The following BCOR variants were observed in gnomAD, a reference collection of about 807,000 sequenced individuals.
The protein encoded by BCOR is BCL6 corepressor, also known as BCL-6 corepressor.
BCOR carries 10 observed loss-of-function variants against 86.7 expected under a neutral mutation model. That is an observed-to-expected ratio of 0.12 (90% confidence interval 0.07 to 0.20). The LOEUF (loss-of-function observed/expected upper bound fraction) is 0.20. Among genes scored for constraint, BCOR ranks in the 10% least tolerant of loss-of-function variants. The probability of loss-of-function intolerance (pLI) is 1.00; values close to 1 mark genes in which losing one functional copy is unlikely to be tolerated. For synonymous variants in BCOR, 611 were observed against 609.0 expected (o/e 1.00, Z -0.05); for missense variants, 1,259 against 1,452.1 (o/e 0.87, Z 2.16).
chrX:40,105,060 C>T (rs1157314415), intron 1 of BCOR, among the ~76,000 whole-genome samples: 3 of 110,270 alleles, frequency 2.7e-5, no homozygotes, highest in African/African-American at 9.8e-5. Context: ...CTGGCTGGCG[C>T]CGGGGCGCCA....
At chrX:40,084,710 CCCA>C (rs896898321) in intron 1 of BCOR, among the ~76,000 whole-genome samples, 5 of 98,800 alleles carry the variant, frequency 5.1e-5, no homozygotes, top group African/African-American at 1.9e-4. Context: ...GCCACCCCCC[CCCA>C]CCACCACCAC....
intron 1 of BCOR, among the ~76,000 whole-genome samples, chrX:40,087,290 A>G (rs1326498297): frequency 1.8e-5 from 2 of 112,946 alleles, no homozygotes; most frequent in African/African-American, 6.4e-5. Context: ...CTCCTTTATG[A>G]TTTTTGGTTA....
intron 1 of BCOR, among the ~76,000 whole-genome samples, chrX:40,115,197 T>G (rs1305934091): frequency 9.0e-6 from 1 of 110,901 alleles, no homozygotes; most frequent in Admixed American, 9.6e-5. Context: ...TCTACCTGAC[T>G]CCAAACCTAG....
rs1937808750 is a variant in BCOR at position 40,139,439 on chromosome X, T to TA, written c.-41+37567dup. 1.1e-4 allele frequency among the ~76,000 whole-genome samples: 2 copies of TA among 18,438 alleles called. 1 individual carries two copies. Among genetic ancestry groups the TA allele is most frequent in the South Asian group, 5.4e-3 (2 of 373 alleles). The allele number at this position is 18,438 out of a possible 115,157, so 16.0% of individuals were successfully genotyped here. On this transcript the variant is annotated intron_variant, in intron 1 of 14. Coordinates refer to the BCOR transcript ENST00000342274. ...TAATATATATACATATATATATATA[T>TA]ATATATAATATATATACATATATAT...
chrX:40,139,415 A>ATATTTTAAGC lies in BCOR; in HGVS notation c.-41+37591_-41+37592insGCTTAAAATA, dbSNP rs1555935902. 3.3e-4 allele frequency among the ~76,000 whole-genome samples: 2 copies of ATATTTTAAGC among 6,096 alleles called. 1 individual carries two copies. The highest frequency in any genetic ancestry group is 2.9e-3 in the African/African-American group (2 of 683). The allele number at this position is 6,096 out of a possible 115,157, so 5.3% of individuals were successfully genotyped here. A position where few individuals can be genotyped will look rare whatever the true frequency, so the allele number is the denominator to read the frequency against. On this transcript the variant is annotated intron_variant, in intron 1 of 14. Coordinates refer to the BCOR transcript ENST00000342274. ...TATACATATATATATATATATATATAATATATATACATATATATATATATA... is the reference window on the plus strand; with the variant it reads ...TATACATATATATATATATATATATATATTTTAAGCATATATATACATATATATATATATA...
At chrX:40,152,741 C>T (rs981672578) in intron 1 of BCOR, among the ~76,000 whole-genome samples, 2 of 112,606 alleles carry the variant, frequency 1.8e-5, no homozygotes, top group African/African-American at 6.4e-5. Flanking sequence ...GGAGTCAGCG[C>T]CTGCCCCCTC....
chrX:40,117,716 TCG>T (rs1937416872), intron 1 of BCOR, among the ~76,000 whole-genome samples: 1 of 110,735 alleles, frequency 9.0e-6, no homozygotes, highest in Non-Finnish European at 1.9e-5. Flanking sequence ...GAGGGGACAC[TCG>T]ATCCCCTTTC....
upstream of BCOR, among the ~76,000 whole-genome samples, chrX:40,102,222 A>G (rs1274954022): frequency 8.9e-6 from 1 of 112,608 alleles, no homozygotes; most frequent in African/African-American, 3.2e-5. Flanking sequence ...GTGTTTGGGG[A>G]AGGAAGGCCC....
intron 11 of BCOR, among the ~76,000 whole-genome samples, chrX:40,056,657 C>T (rs1934613976): frequency 8.9e-6 from 1 of 112,162 alleles, no homozygotes; most frequent in South Asian, 3.7e-4. Context: ...ACTCACACAA[C>T]CAGGAAGATG....
At position 40,053,932 on chromosome X, in the gene BCOR, T is replaced by C. The variant is rs1169882743; in HGVS notation, c.4930A>G (p.Thr1644Ala). 2 of 1,209,389 alleles carry C rather than the reference T, an allele frequency of 1.7e-6. No individual in the cohort carries two copies. The highest frequency in any genetic ancestry group is 2.2e-6 in the Non-Finnish European group (2 of 894,692). The change falls in exon 14 of 15, where the codon ACC (threonine) becomes GCC (alanine). Residue 1644 changes from threonine to alanine, a missense_variant. Transcript: ENST00000378444. ...ATGTTATAACACGGTAAGAGGGGGG[T>C]CTCTGAAAATTCAAATTCAAACACA... ...SDVFEFEFSE[T>A]PLLPCYNIQV...
chrX:40,097,815 T>TCCGCCG lies in BCOR; in HGVS notation c.-647_-642dup, dbSNP rs1436572611. The stretch of plus-strand genomic sequence containing the variant: ...CGCCCGGCGGCTCGCGGGCTCCCCC[T>TCCGCCG]CCGCCGCCGCCGCCCGCCTAGCTCC... On this transcript the variant is annotated 5_prime_UTR_variant, in exon 1 of 15. Transcript: ENST00000378444. Among the ~76,000 whole-genome samples, 28 of 106,069 alleles carry TCCGCCG rather than the reference T, an allele frequency of 2.6e-4. No homozygotes were observed. The highest frequency in any genetic ancestry group is 9.0e-4 in the African/African-American group (26 of 29,001). The allele number at this position is 106,069 out of a possible 115,157, so 92.1% of individuals were successfully genotyped here. A position where few individuals can be genotyped will look rare whatever the true frequency, so the allele number is the denominator to read the frequency against.
At chrX:40,069,955 GT>G (rs1935390822) in intron 6 of BCOR, among the ~76,000 whole-genome samples, 3 of 112,219 alleles carry the variant, frequency 2.7e-5, no homozygotes, top group African/African-American at 9.7e-5. Context: ...ATCCTGGCAG[GT>G]GGCCTTAGTC....
chrX:40,073,557 G>A lies in BCOR; in HGVS notation c.1789C>T (p.His597Tyr), dbSNP rs2147233695. 8.2e-7 allele frequency: 1 copy of A among 1,212,249 alleles called. No individual in the cohort carries two copies. The highest frequency in any genetic ancestry group is 1.1e-6 in the Non-Finnish European group (1 of 895,660). ...GGAGTGGCCGGGGGCTGGCCCACGT[G>A]CTGAATAACGGATGGTGTGGTTTCT... ...SVETTPSVIQ[H>Y]VGQPPATPAK... is the part of the protein sequence containing the mutation. The change falls in exon 4 of 15, where the codon CAC becomes TAC. Residue 597 changes from histidine to tyrosine, a missense_variant. By Grantham distance (83) the His-to-Tyr change is moderately conservative. Coordinates refer to ENST00000378444, the MANE Select transcript of BCOR (RefSeq NM_001123385.2).
At chrX:40,061,864 G>A in intron 10 of BCOR, among the ~76,000 whole-genome samples, 1 of 111,550 alleles carries the variant, frequency 9.0e-6, no homozygotes, top group Non-Finnish European at 1.9e-5. Flanking sequence ...TTATATCAGA[G>A]ATAAGTTAGC....
chrX:40,175,079 C>G (rs1221507186), intron 1 of BCOR, among the ~76,000 whole-genome samples: 1 of 100,597 alleles, frequency 9.9e-6, no homozygotes, highest in Non-Finnish European at 2.0e-5. Flanking sequence ...GCACCAGGAA[C>G]GGAGGCCGTC....
chrX:40,072,543 C>A lies in BCOR; in HGVS notation c.2803G>T (p.Val935Leu). The A allele has an allele frequency of 8.2e-7, 1 of 1,212,138 alleles. No homozygotes were observed. Among genetic ancestry groups the A allele is most frequent in the African/African-American group, 1.7e-5 (1 of 57,918 alleles). The change falls in exon 4 of 15, where the codon GTG (valine) becomes TTG (leucine). Residue 935 changes from valine to leucine, a missense_variant. Val to Leu is a conservative substitution (Grantham distance 32, BLOSUM62 1). Around this residue, in one of 7 missense-constraint regions of BCOR, gnomAD observed 534 missense variants for 594.8 expected, o/e 0.90. Transcript: ENST00000378444. Reference sequence around the variant, plus strand: ...CCATCTTTGGTATAGGTGGGGGTCACATCCACACTTGGTGGGGCACTGCCC... The same window carrying A: ...CCATCTTTGGTATAGGTGGGGGTCAAATCCACACTTGGTGGGGCACTGCCC... ...CVGSAPPSVD[V>L]TPTYTKDGAD... is the part of the protein sequence containing the mutation.
At position 40,054,286 on chromosome X, in the gene BCOR, T is replaced by C. The variant is rs1309422969; in HGVS notation, c.4789A>G (p.Thr1597Ala). The change falls in exon 13 of 15, where the codon ACT (threonine) becomes GCT (alanine). Residue 1597 changes from threonine to alanine, a missense_variant. By Grantham distance (58) the Thr-to-Ala change is moderately conservative. Transcript: ENST00000378444. ...QGRNDDDASG[T>A]WDFYGSSVCE... ...ACAGAGCTGCCATAGAAGTCCCAAG[T>C]GCCACTGGCGTCATCATCATTGCGA... 3 of 1,207,798 alleles carry C rather than the reference T, an allele frequency of 2.5e-6. No homozygotes were observed. Among genetic ancestry groups the C allele is most frequent in the African/African-American group, 3.5e-5 (2 of 57,026 alleles).
chrX:40,051,958 T>TA lies in BCOR; in HGVS notation c.*150dup. On this transcript the variant is annotated 3_prime_UTR_variant, in exon 15 of 15. Coordinates refer to ENST00000378444, the MANE Select transcript of BCOR (RefSeq NM_001123385.2). ...GTTTAAAAGGAAAAAAACATGTTTC[T>TA]AAGTCCTTCTGACTGGAGTAATTTC... 2.1e-6 allele frequency: 1 copy of TA among 476,357 alleles called. No homozygotes were observed. 39.3% of individuals were successfully genotyped at this position (476,357 alleles called of 1,213,427 possible).
chrX:40,123,214 C>T (rs1937510373), intron 1 of BCOR, among the ~76,000 whole-genome samples: 1 of 111,062 alleles, frequency 9.0e-6, no homozygotes, highest in African/African-American at 3.3e-5. Context: ...AAGGAGATAC[C>T]ATATTCGGCT....
Sources: allele counts gnomAD v4.1 joint callset (sites outside exome capture counted in the v4.1 genomes callset), GRCh38; gene constraint gnomAD v4.1.1; regional missense constraint gnomAD v4.1.1; transcripts MANE v1.5; gene names NCBI Gene and HGNC (gene_info 2026-07-23, HGNC 2026-07-21).